TIAM1: variants seen among roughly 807,000 people sequenced by gnomAD.
The protein encoded by TIAM1 is rho guanine nucleotide exchange factor TIAM1.
Under a neutral mutation model 163.5 loss-of-function variants are expected in TIAM1, and 65 were observed. The observed-to-expected ratio is 0.40, with a 90% CI of 0.33 to 0.49. The LOEUF (loss-of-function observed/expected upper bound fraction) is 0.49, where lower values mean the gene tolerates loss of function less well. TIAM1 is among the 20% of genes least tolerant of loss of function. The pLI is 0.77. For synonymous variants in TIAM1, 833 were observed against 810.1 expected (o/e 1.03, Z -0.48); for missense variants, 1,789 against 2,044.7 (o/e 0.87, Z 2.41).
intron 9 of TIAM1, among the ~76,000 whole-genome samples, chr21:31,214,487 G>T (rs2087067717): frequency 6.6e-6 from 1 of 152,072 alleles, no homozygotes; most frequent in Admixed American, 6.5e-5. Context: ...AAATCTGCTT[G>T]CTTTGTAATA....
rs888385036 is a variant in TIAM1, at chr21:31,320,103, T to G, written c.-189+19140A>C. ...ATGTATATATACACCTATGCTTACA[T>G]GTATATAAACATATATATAAAAGAT... On this transcript the variant is annotated intron_variant, in intron 2 of 27. Transcript: ENST00000541036. Among the ~76,000 whole-genome samples, 6 of 152,158 alleles carry G rather than the reference T, an allele frequency of 3.9e-5. No homozygotes were observed. In the East Asian group the frequency reaches 1.2e-3, roughly 29 times the overall value.
chr21:31,190,247 T>A (rs935964017), intron 13 of TIAM1, among the ~76,000 whole-genome samples: 3 of 151,888 alleles, frequency 2.0e-5, no homozygotes, highest in Non-Finnish European at 4.4e-5. Context: ...CTCTACAAAA[T>A]TTTTTTTAAA....
chr21:31,446,692 G>A (rs1330722080), intron 2 of TIAM1, among the ~76,000 whole-genome samples: 1 of 152,104 alleles, frequency 6.6e-6, no homozygotes, highest in African/African-American at 2.4e-5. Flanking sequence ...AATAGAACAA[G>A]AAAGACCTCT....
At chr21:31,124,792 C>A (rs1362591225) in intron 26 of TIAM1, 98 bp from the exon 27 acceptor site, 2 of 1,091,228 alleles carry the variant, frequency 1.8e-6, no homozygotes, top group Non-Finnish European at 2.5e-6. Context: ...TCCCTTAGGG[C>A]CAAAGGCTAA....
intron 1 of TIAM1, among the ~76,000 whole-genome samples, chr21:31,543,396 C>T (rs2048381663): frequency 6.6e-6 from 1 of 152,240 alleles, no homozygotes; most frequent in South Asian, 2.1e-4. Flanking sequence ...ACAGGCCAAG[C>T]TCCTCCACAG....
intron 2 of TIAM1, among the ~76,000 whole-genome samples, chr21:31,440,749 C>T (rs374537933): frequency 1.4e-4 from 21 of 152,052 alleles, no homozygotes; most frequent in Non-Finnish European, 2.1e-4. Context: ...GGTGTGGTGG[C>T]GTGTGCCTGT....
intron 2 of TIAM1, among the ~76,000 whole-genome samples, chr21:31,406,759 T>C (rs1032017875): frequency 1.3e-5 from 2 of 152,148 alleles, no homozygotes; most frequent in Non-Finnish European, 2.9e-5. Context: ...AAAGCAGACA[T>C]GAAATGTCAG....
chr21:31,455,872 T>G (rs899258541), intron 2 of TIAM1, among the ~76,000 whole-genome samples: 5 of 152,190 alleles, frequency 3.3e-5, no homozygotes, highest in Non-Finnish European at 7.3e-5. Flanking sequence ...TGATCTCAAC[T>G]GAAGGAAACC....
intron 2 of TIAM1, among the ~76,000 whole-genome samples, chr21:31,323,779 C>T (rs1366336303): frequency 2.6e-5 from 4 of 151,926 alleles, no homozygotes; most frequent in Non-Finnish European, 4.4e-5. Context: ...TGCAGTGAGC[C>T]GGGATCGCGC....
intron 1 of TIAM1, among the ~76,000 whole-genome samples, chr21:31,557,830 G>A (rs1422834044): frequency 6.6e-6 from 1 of 152,166 alleles, no homozygotes; most frequent in African/African-American, 2.4e-5. Context: ...CAGGAGACGC[G>A]ACGACTGGAA....
intron 1 of TIAM1, among the ~76,000 whole-genome samples, chr21:31,477,288 T>C (rs1243257248): frequency 6.6e-6 from 1 of 152,212 alleles, no homozygotes; most frequent in Non-Finnish European, 1.5e-5. Context: ...AAGTCACATA[T>C]TTCCTGAAAT....
chr21:31,203,109 T>G, intron 11 of TIAM1, 97 bp from the exon 12 acceptor site: 1 of 1,013,702 alleles, frequency 9.9e-7, no homozygotes. Flanking sequence ...CTATGACCAA[T>G]AGAGTTTGTT....
chr21:31,541,007 G>T (rs1184442926), intron 1 of TIAM1, among the ~76,000 whole-genome samples: 1 of 152,130 alleles, frequency 6.6e-6, no homozygotes, highest in African/African-American at 2.4e-5. Context: ...AACTGATGAA[G>T]ACCAATCAAG....
intron 2 of TIAM1, among the ~76,000 whole-genome samples, chr21:31,365,672 G>T (rs2076492830): frequency 6.6e-6 from 1 of 151,926 alleles, no homozygotes; most frequent in African/African-American, 2.4e-5. Flanking sequence ...TTACAGGCGT[G>T]AGCCACTGTG....
Position 31,266,208 on chromosome 21 carries a change from G to T in TIAM1, c.765C>A (p.Gly255=), listed in dbSNP as rs2072752148. The part of the protein sequence containing the change: ...ANGGPGSKFA[G]YCRNLVSDIP... ...TATCAGACACCAAATTCCGACAGTAGCCTGCAAATTTGCTCCCCGGCCCCC... is the reference window on the plus strand; with the variant it reads ...TATCAGACACCAAATTCCGACAGTATCCTGCAAATTTGCTCCCCGGCCCCC... The change falls in exon 4 of 28, where the codon GGC becomes GGA. Residue 255 remains glycine (G), a synonymous_variant. Transcript: ENST00000541036. 1 of 1,614,142 alleles carries T rather than the reference G, an allele frequency of 6.2e-7. No homozygotes were observed. The highest frequency in any genetic ancestry group is 2.2e-5 in the East Asian group (1 of 44,852).
chr21:31,199,482 A>G lies in TIAM1; in HGVS notation c.2493+3426T>C, dbSNP rs918245595. ...CAGGTAAGCCACCTCCACCATGGCC[A>G]CCCTCCCCCTGCCCAGGCCTTAGCC... is the stretch of plus-strand genomic sequence containing the variant. On this transcript the variant is annotated intron_variant, in intron 12 of 27. Transcript: ENST00000541036. Among the ~76,000 whole-genome samples, 13 of 134,180 alleles carry G rather than the reference A, an allele frequency of 9.7e-5. No homozygotes were observed. In the Admixed American group the frequency reaches 9.7e-4, roughly 10 times the overall value. The allele number at this position is 134,180 out of a possible 152,430, so 88.0% of individuals were successfully genotyped here. A position where few individuals can be genotyped will look rare whatever the true frequency, so the allele number is the denominator to read the frequency against.
Position 31,195,247 on chromosome 21 carries a change from G to A in TIAM1, c.2552C>T (p.Ser851Leu), listed in dbSNP as rs780419457. ...ACCGTAAGTATCAGCAGCTGTATCTGACTTCTCAATGTGGATGCTCTGAGT... is the reference window on the plus strand; with the variant it reads ...ACCGTAAGTATCAGCAGCTGTATCTAACTTCTCAATGTGGATGCTCTGAGT... ...KVTQSIHIEK[S>L]DTAADTYGFS... The change falls in exon 13 of 28, where the codon TCA becomes TTA. Residue 851 changes from serine (S) to leucine (L), a missense_variant. Transcript: ENST00000541036. 1 of 1,613,446 alleles carries A rather than the reference G, an allele frequency of 6.2e-7. No homozygotes were observed. The highest frequency in any genetic ancestry group is 1.1e-5 in the South Asian group (1 of 91,018).
At chr21:31,367,644 G>C (rs2147147781) in intron 2 of TIAM1, among the ~76,000 whole-genome samples, 1 of 152,196 alleles carries the variant, frequency 6.6e-6, no homozygotes, top group Non-Finnish European at 1.5e-5. Context: ...CATTCTATCT[G>C]AGACCAAAGA....
intron 2 of TIAM1, among the ~76,000 whole-genome samples, chr21:31,313,215 T>C (rs766194462): frequency 2.6e-5 from 4 of 152,264 alleles, no homozygotes; most frequent in African/African-American, 7.2e-5. Context: ...GCTTTTAGTA[T>C]ACTTAATAAT....
Sources: allele counts gnomAD v4.1 joint callset (sites outside exome capture counted in the v4.1 genomes callset), GRCh38; gene constraint gnomAD v4.1.1; transcripts MANE v1.5; gene names NCBI Gene and HGNC (gene_info 2026-07-23, HGNC 2026-07-21).